Variants in RBFOX3 observed in about 807,000 individuals in gnomAD.
RBFOX3 encodes the protein RNA binding protein fox-1 homolog 3.
RBFOX3 carries 17 observed loss-of-function variants against 48.7 expected under a neutral mutation model. The observed-to-expected ratio is 0.35, with a 90% confidence interval of 0.24 to 0.52. The LOEUF (loss-of-function observed/expected upper bound fraction) is 0.52, where lower values mean the gene tolerates loss of function less well. RBFOX3 is among the 20% of genes least tolerant of loss of function. RBFOX3 has a pLI of 0.94. For synonymous variants in RBFOX3, 212 were observed against 209.5 expected, an observed-to-expected ratio of 1.01 and a Z score of -0.10; for missense variants, 382 against 497.5, an observed-to-expected ratio of 0.77 and a Z score of 2.21.
Position 79,314,858 on chromosome 17 carries a change from C to T in RBFOX3, c.-174-7034G>A, listed in dbSNP as rs137899669. ...GGCCTCTGGGTGTAGGGGAGGGGAACGGGGCTGGGTGTGCTGGAGGGGACT... is the reference window on the plus strand; with the variant it reads ...GGCCTCTGGGTGTAGGGGAGGGGAATGGGGCTGGGTGTGCTGGAGGGGACT... On this transcript the variant is annotated intron_variant, in intron 2 of 14. Transcript: ENST00000693108. Among the ~76,000 whole-genome samples, 160 of 151,392 alleles carry T rather than the reference C, an allele frequency of 1.1e-3. 2 individuals are homozygous for T. The highest frequency in any genetic ancestry group is 9.3e-4 in the Non-Finnish European group (63 of 67,934).
chr17:79,551,640 C>T (rs1448595979), intron 1 of RBFOX3, among the ~76,000 whole-genome samples: 3 of 152,040 alleles, frequency 2.0e-5, no homozygotes, highest in Non-Finnish European at 4.4e-5. Context: ...GGGCGGATCC[C>T]TCATGAATGG....
chr17:79,467,175 G>A (rs1048039437), intron 2 of RBFOX3, among the ~76,000 whole-genome samples: 86 of 152,140 alleles, frequency 5.7e-4, no homozygotes, highest in African/African-American at 1.8e-3. Context: ...CTGGTGGCAC[G>A]GGCTGCTGCA....
At chr17:79,318,548 G>A (rs1255865305) in intron 2 of RBFOX3, among the ~76,000 whole-genome samples, 2 of 152,122 alleles carry the variant, frequency 1.3e-5, no homozygotes, top group Admixed American at 1.3e-4. Context: ...CATACTAAGA[G>A]TTGGATGTTG....
At chr17:79,255,512 C>T (rs2064678508) in intron 3 of RBFOX3, among the ~76,000 whole-genome samples, 1 of 152,118 alleles carries the variant, frequency 6.6e-6, no homozygotes, top group African/African-American at 2.4e-5. Flanking sequence ...AGGCTGTGTC[C>T]ACCCTTGAAT....
At chr17:79,209,643 G>A (rs1392151433) in intron 4 of RBFOX3, among the ~76,000 whole-genome samples, 2 of 152,172 alleles carry the variant, frequency 1.3e-5, no homozygotes, top group East Asian at 1.9e-4. Flanking sequence ...TAAGCAGGAC[G>A]AGGTTGCCTG....
At chr17:79,226,566 T>C (rs2060332578) in intron 4 of RBFOX3, among the ~76,000 whole-genome samples, 2 of 152,208 alleles carry the variant, frequency 1.3e-5, no homozygotes, top group South Asian at 2.1e-4. Flanking sequence ...GGCATCACCC[T>C]GTGGAGCAGG....
intron 4 of RBFOX3, among the ~76,000 whole-genome samples, chr17:79,176,829 T>G (rs559951760): frequency 1.3e-5 from 2 of 151,726 alleles, no homozygotes; most frequent in South Asian, 4.2e-4. Flanking sequence ...AGGGAGAAGA[T>G]TAAAAGCATG....
At chr17:79,451,434 G>T (rs2073486210) in intron 2 of RBFOX3, among the ~76,000 whole-genome samples, 1 of 152,196 alleles carries the variant, frequency 6.6e-6, no homozygotes, top group African/African-American at 2.4e-5. Flanking sequence ...TCATCTTGGG[G>T]ATAGAGAGGA....
chr17:79,358,961 G>A (rs1487961156), intron 2 of RBFOX3, among the ~76,000 whole-genome samples: 1 of 152,204 alleles, frequency 6.6e-6, no homozygotes, highest in African/African-American at 2.4e-5. Context: ...CTCGCGCAGA[G>A]CAGACACCAC....
chr17:79,114,404 G>T (rs1234584076), intron 5 of RBFOX3, among the ~76,000 whole-genome samples: 1 of 152,194 alleles, frequency 6.6e-6, no homozygotes, highest in Non-Finnish European at 1.5e-5. Context: ...CTCCAAGCAG[G>T]GAGGAAAGGC....
intron 1 of RBFOX3, among the ~76,000 whole-genome samples, chr17:79,514,657 C>T (rs2084990999): frequency 6.6e-6 from 1 of 152,202 alleles, no homozygotes; most frequent in South Asian, 2.1e-4. Flanking sequence ...TCAGCAACAC[C>T]ACAGCCACCC....
At chr17:79,251,910 G>A (rs77371255) in intron 3 of RBFOX3, among the ~76,000 whole-genome samples, 2,638 of 152,230 alleles carry the variant, frequency 0.017, 78 homozygotes, top group African/African-American at 0.061. Context: ...CCCAGTGGCC[G>A]AGCTCACACT....
rs2148175168 is a variant in RBFOX3 at position 79,390,406 on chromosome 17, A to G, written c.-174-82582T>C. ...TCCAGCTCATTCGGGGCTCAGCCCCATCTGCCCACTTTGGTGCTGGAAAAT... is the reference window on the plus strand; with the variant it reads ...TCCAGCTCATTCGGGGCTCAGCCCCGTCTGCCCACTTTGGTGCTGGAAAAT... On this transcript the variant is annotated intron_variant, in intron 2 of 14. Coordinates refer to ENST00000693108, the MANE Select transcript of RBFOX3 (RefSeq NM_001350451.2). The surrounding 1 kb of genome is among the most constrained non-coding windows in gnomAD (Gnocchi z 4.2). 6.6e-6 allele frequency among the ~76,000 whole-genome samples: 1 copy of G among 151,824 alleles called. No homozygotes were observed. Among genetic ancestry groups the G allele is most frequent in the Non-Finnish European group, 1.5e-5 (1 of 68,014 alleles).
intron 2 of RBFOX3, among the ~76,000 whole-genome samples, chr17:79,434,435 A>G (rs1305505583): frequency 6.6e-6 from 1 of 152,148 alleles, no homozygotes; most frequent in African/African-American, 2.4e-5. Flanking sequence ...GACCCAGAGA[A>G]CCCATGCCCC....
At chr17:79,412,660 ATG>A (rs1208958589) in intron 2 of RBFOX3, among the ~76,000 whole-genome samples, 1 of 150,764 alleles carries the variant, frequency 6.6e-6, no homozygotes, top group African/African-American at 2.4e-5. Context: ...TGTGTGTGAT[ATG>A]TGTGAGTGTA....
intron 2 of RBFOX3, among the ~76,000 whole-genome samples, chr17:79,308,849 T>C (rs2076436198): frequency 6.6e-6 from 1 of 150,744 alleles, no homozygotes; most frequent in Non-Finnish European, 1.5e-5. Flanking sequence ...CCGGGTGTGG[T>C]GGCTCATGCC....
chr17:79,640,389 A>G, the RBFOX3 span, among the ~76,000 whole-genome samples: 1 of 152,208 alleles, frequency 6.6e-6, no homozygotes, highest in Non-Finnish European at 1.5e-5. Context: ...CTACCACGCA[A>G]AGTGATCCAC....
rs142338997 is a variant in RBFOX3, at chr17:79,370,693, AC to A, written c.-174-62870del. On this transcript the variant is annotated intron_variant, in intron 2 of 14. Transcript: ENST00000693108. The stretch of plus-strand genomic sequence containing the variant: ...ACACACATGTACACATCTCTCATAC[AC>A]CCTGAAATGCACGGTCACATACACT... Among the ~76,000 whole-genome samples the A allele has an allele frequency of 2.9e-3, 442 of 152,090 alleles. 1 individual carries two copies. The highest frequency in any genetic ancestry group is 5.1e-3 in the Non-Finnish European group (344 of 68,014).
chr17:79,583,387 C>T lies in RBFOX3; in HGVS notation c.-320+27439G>A, dbSNP rs922665469. Among the ~76,000 whole-genome samples, 72 of 152,234 alleles carry T rather than the reference C, an allele frequency of 4.7e-4. No individual in the cohort carries two copies. In the Middle Eastern group the frequency reaches 0.01, roughly 22 times the overall value. On this transcript the variant is annotated intron_variant, in intron 1 of 14. Transcript: ENST00000693108. ...CCCACGGTGACTCAGGTCGAAGGGC[C>T]CCTGACCTTACAGAAGACAGACAGA... is the stretch of plus-strand genomic sequence containing the variant.
Sources: allele counts gnomAD v4.1 joint callset (sites outside exome capture counted in the v4.1 genomes callset), GRCh38; gene constraint gnomAD v4.1.1; non-coding constraint Gnocchi (gnomAD v3.1); transcripts MANE v1.5; gene names NCBI Gene and HGNC (gene_info 2026-07-23, HGNC 2026-07-21).